The following MIR2052HG variants were observed in gnomAD, a reference collection of about 807,000 sequenced individuals.
The protein encoded by MIR2052HG is MIR2052 host gene.
At chr8:74,667,093 T>C (rs1463242112) in intron 2 of MIR2052HG, among the ~76,000 whole-genome samples, 1 of 152,180 alleles carries the variant, frequency 6.6e-6, no homozygotes, top group East Asian at 1.9e-4. Context: ...AATCACCAGG[T>C]GTTCTTAATA....
At chr8:74,736,308 CT>C (rs1266767040) in intron 4 of MIR2052HG, among the ~76,000 whole-genome samples, 3 of 152,118 alleles carry the variant, frequency 2.0e-5, no homozygotes, top group Admixed American at 6.6e-5. Context: ...ATCTATGAAT[CT>C]TTATGTGGTG....
At chr8:74,619,226 C>T (rs1808327369) in intron 2 of MIR2052HG, among the ~76,000 whole-genome samples, 1 of 151,582 alleles carries the variant, frequency 6.6e-6, no homozygotes, top group African/African-American at 2.4e-5. Context: ...AATTCAATCC[C>T]TATCAAAATT....
At chr8:74,693,677 C>G (rs982328664) in intron 2 of MIR2052HG, among the ~76,000 whole-genome samples, 1 of 151,820 alleles carries the variant, frequency 6.6e-6, no homozygotes, top group Admixed American at 6.6e-5. Flanking sequence ...CTGGGTGAGG[C>G]CTATCACTGC....
At chr8:74,624,016 G>T (rs1185590153) in intron 2 of MIR2052HG, among the ~76,000 whole-genome samples, 1 of 152,134 alleles carries the variant, frequency 6.6e-6, no homozygotes, top group Non-Finnish European at 1.5e-5. Flanking sequence ...TGGCATTCTG[G>T]ATGTAGTACC....
intron 4 of MIR2052HG, among the ~76,000 whole-genome samples, chr8:74,714,839 G>T (rs1809505255): frequency 6.6e-6 from 1 of 151,648 alleles, no homozygotes; most frequent in African/African-American, 2.4e-5. Context: ...TGAGTAGCTG[G>T]GATTACAGGC....
At chr8:74,744,989 G>A (rs1457500132) in intron 4 of MIR2052HG, among the ~76,000 whole-genome samples, 1 of 152,128 alleles carries the variant, frequency 6.6e-6, no homozygotes, top group Non-Finnish European at 1.5e-5. Context: ...CAAGGTCCGG[G>A]TGTGGTGGAT....
At chr8:74,657,472 T>G in intron 2 of MIR2052HG, among the ~76,000 whole-genome samples, 1 of 152,170 alleles carries the variant, frequency 6.6e-6, no homozygotes, top group East Asian at 1.9e-4. Context: ...GCATCAGCAC[T>G]GCCCAGGAGT....
intron 2 of MIR2052HG, among the ~76,000 whole-genome samples, chr8:74,638,174 T>G (rs1808602627): frequency 6.6e-6 from 1 of 152,178 alleles, no homozygotes; most frequent in Non-Finnish European, 1.5e-5. Flanking sequence ...TGGGGAGAGA[T>G]AGAGAGAGAA....
intron 2 of MIR2052HG, among the ~76,000 whole-genome samples, chr8:74,699,416 G>GTA (rs139522494): frequency 0.031 from 4,538 of 148,112 alleles, 125 homozygotes; most frequent in African/African-American, 0.08. Flanking sequence ...GTGTGTGTGT[G>GTA]TATATATATA....
intron 2 of MIR2052HG, among the ~76,000 whole-genome samples, chr8:74,686,612 T>C (rs762957641): frequency 6.6e-6 from 1 of 152,098 alleles, no homozygotes; most frequent in Non-Finnish European, 1.5e-5. Context: ...GTTTCTTGAA[T>C]CTATTCTTCA....
At chr8:74,688,485 T>C (rs1809206180) in intron 2 of MIR2052HG, among the ~76,000 whole-genome samples, 1 of 147,762 alleles carries the variant, frequency 6.8e-6, no homozygotes, top group Non-Finnish European at 1.5e-5. Context: ...TACATGGATA[T>C]TAAAGAACTG....
chr8:74,614,677 T>C (rs1808251585), intron 2 of MIR2052HG, among the ~76,000 whole-genome samples: 2 of 152,054 alleles, frequency 1.3e-5, no homozygotes, highest in African/African-American at 4.8e-5. Flanking sequence ...ATTTCTTTTC[T>C]TTTTTTCTCT....
intron 5 of MIR2052HG, among the ~76,000 whole-genome samples, chr8:74,754,641 C>T (rs1809981115): frequency 6.6e-6 from 1 of 152,128 alleles, no homozygotes; most frequent in African/African-American, 2.4e-5. Context: ...GGTTTTCAGC[C>T]CCAGACTACA....
chr8:74,668,019 T>C lies in MIR2052HG; in HGVS notation n.217-34360T>C, dbSNP rs563496843. Among the ~76,000 whole-genome samples, 20 of 148,460 alleles carry C rather than the reference T, an allele frequency of 1.3e-4. No individual in the cohort carries two copies. In the East Asian group the frequency reaches 3.8e-3, roughly 28 times the overall value. ...TTGTAGGCATGCAAAGAGAGATGAC[T>C]GGAATGGAAAAAAAAAAAAACCCAG... On this transcript the variant is annotated intron_variant and non_coding_transcript_variant, in intron 2 of 6. Transcript: ENST00000523442.
At chr8:74,670,033 T>G (rs1808973729) in intron 2 of MIR2052HG, among the ~76,000 whole-genome samples, 1 of 152,286 alleles carries the variant, frequency 6.6e-6, no homozygotes, top group East Asian at 1.9e-4. Flanking sequence ...GAGAGATGTC[T>G]TTCTCTACCA....
chr8:74,645,225 T>C (rs1808679063), intron 2 of MIR2052HG, among the ~76,000 whole-genome samples: 1 of 151,452 alleles, frequency 6.6e-6, no homozygotes, highest in South Asian at 2.1e-4. Flanking sequence ...CCTTGGTAAA[T>C]AAAAAAGTGA....
chr8:74,639,078 A>G (rs893633223), intron 2 of MIR2052HG, among the ~76,000 whole-genome samples: 1 of 152,192 alleles, frequency 6.6e-6, no homozygotes, highest in Non-Finnish European at 1.5e-5. Flanking sequence ...TCAAGAAGGA[A>G]AAGTATTTCT....
chr8:74,741,239 G>A (rs1809825154), intron 4 of MIR2052HG, among the ~76,000 whole-genome samples: 1 of 152,194 alleles, frequency 6.6e-6, no homozygotes, highest in Non-Finnish European at 1.5e-5. Context: ...AGCCAACTCA[G>A]TTTCATCAGT....
intron 1 of MIR2052HG, among the ~76,000 whole-genome samples, chr8:74,607,564 A>G (rs1362801807): frequency 6.6e-6 from 1 of 152,194 alleles, no homozygotes; most frequent in African/African-American, 2.4e-5. Context: ...GTGAGCCAAG[A>G]TCATGCCATT....
Sources: gnomAD v4.1 joint callset for allele counts (sites outside exome capture counted in the v4.1 genomes callset) on GRCh38, gnomAD v4.1.1 for gene constraint, MANE v1.5 for transcripts, NCBI Gene and HGNC (gene_info 2026-07-23, HGNC 2026-07-21) for gene names.